The following ATXN7L2 variants were observed in gnomAD, a reference collection of about 807,000 sequenced individuals.
ATXN7L2 encodes ataxin-7-like protein 2.
Under a neutral mutation model 59.6 loss-of-function variants are expected in ATXN7L2, and 17 were observed. The ratio of observed to expected loss-of-function variants is 0.29; its 90% CI spans 0.20 to 0.43. The LOEUF (loss-of-function observed/expected upper bound fraction) is 0.43. Ranked by LOEUF, ATXN7L2 falls within the 20% of genes least tolerant of loss-of-function variation. The probability of loss-of-function intolerance (pLI) is 1.00; values close to 1 mark genes in which losing one functional copy is unlikely to be tolerated. For synonymous variants in ATXN7L2, 378 were observed against 392.5 expected (o/e 0.96, Z 0.44); for missense variants, 858 against 1,008.9 (o/e 0.85, Z 2.03).
rs1004404137 is a variant in ATXN7L2 at position 109,490,404 on chromosome 1, G to A, written c.1454+12G>A. On this transcript the variant is annotated intron_variant, in intron 9 of 10. Coordinates refer to ENST00000683729, the MANE Select transcript of ATXN7L2 (RefSeq NM_001350175.2). Reference sequence around the variant, plus strand: ...ACACACATGTGGAAGTAAGTCTCTCGGACCCAGAATGGAAGTTCTAGAATG... The same window carrying A: ...ACACACATGTGGAAGTAAGTCTCTCAGACCCAGAATGGAAGTTCTAGAATG... 1.2e-6 allele frequency: 2 copies of A among 1,610,486 alleles called. No homozygotes were observed. Among genetic ancestry groups the A allele is most frequent in the African/African-American group, 1.3e-5 (1 of 74,860 alleles).
Position 109,486,402 on chromosome 1 carries a change from G to T in ATXN7L2, c.194-104G>T. 1 of 1,029,736 alleles carries T rather than the reference G, an allele frequency of 9.7e-7. No homozygotes were observed. The highest frequency in any genetic ancestry group is 1.4e-6 in the Non-Finnish European group (1 of 696,640). 63.8% of individuals were successfully genotyped at this position (1,029,736 alleles called of 1,614,324 possible). A position where few individuals can be genotyped will look rare whatever the true frequency, so the allele number is the denominator to read the frequency against. On this transcript the variant is annotated intron_variant, in intron 2 of 10. Transcript: ENST00000683729. This position sits in a 1 kb window ranked among gnomAD's most constrained non-coding sequence, Gnocchi z 4.3. The stretch of plus-strand genomic sequence containing the variant: ...TCAGCATGGAGCTTGTTATATCAGC[G>T]GGGAGGTGAAGTGCCTTCTGAGTGT...
At position 109,486,948 on chromosome 1, in the gene ATXN7L2, TG is replaced by T; in HGVS notation, c.299-55del. 1 of 1,424,044 alleles carries T rather than the reference TG, an allele frequency of 7.0e-7. No homozygotes were observed. Among genetic ancestry groups the T allele is most frequent in the South Asian group, 1.4e-5 (1 of 70,534 alleles). 88.2% of individuals were successfully genotyped at this position (1,424,044 alleles called of 1,614,324 possible). The stretch of plus-strand genomic sequence containing the variant: ...TGTGAGTCTATGGACATGGTTAGGT[TG>T]GGGAAGGAAGTGGTGATACCACTCA... On this transcript the variant is annotated intron_variant, in intron 3 of 10. Transcript: ENST00000683729. The surrounding 1 kb of genome is among the most constrained non-coding windows in gnomAD (Gnocchi z 4.3).
At chr1:109,489,188 C>T in intron 7 of ATXN7L2, 88 bp downstream of exon 7, 1 of 1,490,952 alleles carries the variant, frequency 6.7e-7, no homozygotes, top group Non-Finnish European at 9.0e-7. Flanking sequence ...CAGGGAGTGT[C>T]CTGGAAGAGG....
At chr1:109,485,141 T>G in intron 1 of ATXN7L2, 2 of 489,396 alleles carry the variant, frequency 4.1e-6, no homozygotes, top group Non-Finnish European at 5.3e-6. Flanking sequence ...TGGGCAAAGA[T>G]GGGGCCATTG....
Position 109,491,760 on chromosome 1 carries a change from CA to C in ATXN7L2, c.2250+44del, listed in dbSNP as rs752458439. On this transcript the variant is annotated intron_variant, in intron 10 of 10. Coordinates refer to ENST00000683729, the MANE Select transcript of ATXN7L2 (RefSeq NM_001350175.2). The surrounding 1 kb of genome is among the most constrained non-coding windows in gnomAD (Gnocchi z 4.1). ...TGAAGATTGATGAGGGTGGGGCACACAGGGGGTACCTGATACAGAGAAGATG... is the reference window on the plus strand; with the variant it reads ...TGAAGATTGATGAGGGTGGGGCACACGGGGGTACCTGATACAGAGAAGATG... The C allele has an allele frequency of 2.1e-4, 310 of 1,511,406 alleles. No individual in the cohort carries two copies. The highest frequency in any genetic ancestry group is 2.6e-4 in the Non-Finnish European group (295 of 1,125,754). The allele number at this position is 1,511,406 out of a possible 1,614,324, so 93.6% of individuals were successfully genotyped here.
Position 109,487,055 on chromosome 1 carries a change from C to G in ATXN7L2, c.347C>G (p.Pro116Arg), listed in dbSNP as rs913422138. 1.2e-6 allele frequency: 2 copies of G among 1,612,034 alleles called. No homozygotes were observed. Among genetic ancestry groups the G allele is most frequent in the East Asian group, 4.5e-5 (2 of 44,750 alleles). ...AAGCTTTATGGCCGGGCCCCACCCC[C>G]ACCTCCAGCCCCTGCCAGCTCTCAG... ...LSKLYGRAPP[P>R]PPAPASSQKC... Residue 116 changes from proline (P) to arginine (R), a missense_variant, in exon 4 of 11, where the codon CCA becomes CGA. Transcript: ENST00000683729.
At chr1:109,485,855 G>A (rs879430120) in intron 1 of ATXN7L2, 10 of 1,227,736 alleles carry the variant, frequency 8.1e-6, no homozygotes, top group African/African-American at 1.6e-5. Context: ...TGGACCCACT[G>A]AAAGGTTCCC....
Position 109,487,609 on chromosome 1 carries a change from C to T in ATXN7L2, c.601C>T (p.Leu201Phe). 1 of 1,584,450 alleles carries T rather than the reference C, an allele frequency of 6.3e-7. No homozygotes were observed. The highest frequency in any genetic ancestry group is 1.1e-5 in the South Asian group (1 of 87,196). Residue 201 changes from leucine to phenylalanine, a missense_variant, in exon 5 of 11, where the codon CTC becomes TTC. Leu to Phe is a conservative substitution (Grantham distance 22, BLOSUM62 0). This residue lies in a region of ATXN7L2 where 734 missense variants were observed against 862.3 expected (regional missense o/e 0.85). Coordinates refer to ENST00000683729, the MANE Select transcript of ATXN7L2 (RefSeq NM_001350175.2). The part of the protein sequence containing the change: ...GIRVAPPSAF[L>F]SQPGGLTKDS... Reference sequence around the variant, plus strand: ...CAGGGTGGCCCCACCCTCTGCTTTTCTCAGCCAGCCAGGGGGCCTCACCAA... The same window carrying T: ...CAGGGTGGCCCCACCCTCTGCTTTTTTCAGCCAGCCAGGGGGCCTCACCAA...
At chr1:109,485,756 A>AG in intron 1 of ATXN7L2, 1 of 1,080,284 alleles carries the variant, frequency 9.3e-7, no homozygotes, top group African/African-American at 1.6e-5. Context: ...CTTGAAGTGA[A>AG]GGGTCCCATA....
chr1:109,484,299 C>G (rs1656412063), intron 1 of ATXN7L2, among the ~76,000 whole-genome samples: 1 of 152,136 alleles, frequency 6.6e-6, no homozygotes, highest in Non-Finnish European at 1.5e-5. Flanking sequence ...CCCTGCCAAC[C>G]TCTGCCTCTG....
Position 109,487,118 on chromosome 1 carries a change from G to A in ATXN7L2, c.410G>A (p.Arg137Lys). Reference sequence around the variant, plus strand: ...GTGAATGGGCAGGGCCCAGCTTGTAGGGCCCCAGGTTCCACGAAAACCTCC... The same window carrying A: ...GTGAATGGGCAGGGCCCAGCTTGTAAGGCCCCAGGTTCCACGAAAACCTCC... ...HVVNGQGPAC[R>K]APGSTKTSSR... is the part of the protein sequence containing the mutation. The change falls in exon 4 of 11, where the codon AGG (arginine) becomes AAG (lysine). Residue 137 changes from arginine (R) to lysine (K), a missense_variant. Coordinates refer to ENST00000683729, the MANE Select transcript of ATXN7L2 (RefSeq NM_001350175.2). The A allele has an allele frequency of 6.2e-7, 1 of 1,611,830 alleles. No individual in the cohort carries two copies.
chr1:109,486,645 G>T lies in ATXN7L2; in HGVS notation c.298+35G>T, dbSNP rs1165752454. On this transcript the variant is annotated intron_variant, in intron 3 of 10. Transcript: ENST00000683729. The surrounding 1 kb of genome is among the most constrained non-coding windows in gnomAD (Gnocchi z 4.3). Reference sequence around the variant, plus strand: ...GCCCTAGGGAGGAGATAAAGGGACAGGGGAAGGTGGAGCATGGAACTCTGA... The same window carrying T: ...GCCCTAGGGAGGAGATAAAGGGACATGGGAAGGTGGAGCATGGAACTCTGA... The T allele has an allele frequency of 5.1e-6, 8 of 1,557,432 alleles. No individual in the cohort carries two copies. The highest frequency in any genetic ancestry group is 5.0e-5 in the Admixed American group (3 of 59,490).
In ATXN7L2 at chr1:109,491,390, G is replaced by C. The variant is rs763458579; in HGVS notation, c.1923G>C (p.Leu641=). 1.2e-6 allele frequency: 2 copies of C among 1,614,262 alleles called. No individual in the cohort carries two copies. The highest frequency in any genetic ancestry group is 1.7e-6 in the Non-Finnish European group (2 of 1,180,042). Residue 641 remains leucine, a synonymous_variant, in exon 10 of 11, where the codon CTG becomes CTC. Transcript: ENST00000683729. The surrounding 1 kb of genome is among the most constrained non-coding windows in gnomAD (Gnocchi z 4.1). ...TCTCGGCCAAAACTAAAACAGCCCT[G>C]AGCATGGGGCTTAATGGGACAATGG... The part of the protein sequence containing the change: ...RGLSAKTKTA[L]SMGLNGTMGP...
chr1:109,486,368 T>C lies in ATXN7L2; in HGVS notation c.194-138T>C. ...ACTGCTTAGATCGAACTCTGGAAGCTGGAAGCATTCAGCATGGAGCTTGTT... is the reference window on the plus strand; with the variant it reads ...ACTGCTTAGATCGAACTCTGGAAGCCGGAAGCATTCAGCATGGAGCTTGTT... On this transcript the variant is annotated intron_variant, in intron 2 of 10. Coordinates refer to ENST00000683729, the MANE Select transcript of ATXN7L2 (RefSeq NM_001350175.2). This position sits in a 1 kb window ranked among gnomAD's most constrained non-coding sequence, Gnocchi z 4.3. The C allele has an allele frequency of 2.1e-6, 2 of 946,958 alleles. No individual in the cohort carries two copies. Among genetic ancestry groups the C allele is most frequent in the Non-Finnish European group, 3.1e-6 (2 of 640,736 alleles). The allele number at this position is 946,958 out of a possible 1,614,324, so 58.7% of individuals were successfully genotyped here.
rs1416330394 is a variant in ATXN7L2 at position 109,486,073 on chromosome 1, G to A, written c.144G>A (p.Glu48=). 6.3e-7 allele frequency: 1 copy of A among 1,598,796 alleles called. No homozygotes were observed. The highest frequency in any genetic ancestry group is 1.1e-5 in the South Asian group (1 of 88,598). The stretch of plus-strand genomic sequence containing the variant: ...CTCCTCTAGGGGCTGAGCTGGAGGA[G>A]AGTAGCAAAAACACGAAGAAGTTGG... ...LPAADGAELE[E]SSKNTKKLDA... Residue 48 remains glutamate, a synonymous_variant, in exon 2 of 11, where the codon GAG becomes GAA. Coordinates refer to ENST00000683729, the MANE Select transcript of ATXN7L2 (RefSeq NM_001350175.2). The surrounding 1 kb of genome is among the most constrained non-coding windows in gnomAD (Gnocchi z 4.3).
At position 109,488,968 on chromosome 1, in the gene ATXN7L2, G is replaced by T. The variant is rs767873540; in HGVS notation, c.1001G>T (p.Arg334Leu). 5.6e-6 allele frequency: 9 copies of T among 1,614,046 alleles called. No individual in the cohort carries two copies. The highest frequency in any genetic ancestry group is 6.8e-6 in the Non-Finnish European group (8 of 1,180,014). Residue 334 changes from arginine (R) to leucine (L), a missense_variant, in exon 7 of 11, where the codon CGC becomes CTC. Transcript: ENST00000683729. This position sits in a 1 kb window ranked among gnomAD's most constrained non-coding sequence, Gnocchi z 5.0. Reference protein sequence around the residue: ...GESPKEKSPGRKEQVLERPSQ... With the variant: ...GESPKEKSPGLKEQVLERPSQ... The stretch of plus-strand genomic sequence containing the variant: ...TCTCCCAAGGAGAAGAGCCCAGGGC[G>T]CAAGGAGCAAGTTCTCGAGCGCCCC...
chr1:109,490,890 G>A (rs566765414), intron 9 of ATXN7L2, 32 bp from the exon 10 acceptor site: 9 of 1,528,090 alleles, frequency 5.9e-6, no homozygotes, highest in Non-Finnish European at 7.9e-6. Flanking sequence ...TTGTTTCTTG[G>A]CAGTCACAGT....
chr1:109,483,962 G>A lies in ATXN7L2; in HGVS notation c.9G>A (p.Val3=), dbSNP rs765747540. 14 of 1,308,806 alleles carry A rather than the reference G, an allele frequency of 1.1e-5. No homozygotes were observed. Among genetic ancestry groups the A allele is most frequent in the Middle Eastern group, 4.0e-4 (2 of 4,998 alleles). 81.1% of individuals were successfully genotyped at this position (1,308,806 alleles called of 1,614,324 possible). ...GCGCGTCCGCGGCGGTGATGGCGGT[G>A]CGTGAACGCGCGGCGGCAGCAATGG... The part of the protein sequence containing the change: MA[V]RERAAAAMAA... Residue 3 remains valine (V), a synonymous_variant, in exon 1 of 11, where the codon GTG becomes GTA. Coordinates refer to ENST00000683729, the MANE Select transcript of ATXN7L2 (RefSeq NM_001350175.2).
intron 1 of ATXN7L2, among the ~76,000 whole-genome samples, chr1:109,484,995 C>T (rs112485940): frequency 9.1e-4 from 139 of 152,284 alleles, no homozygotes; most frequent in African/African-American, 3.2e-3. Flanking sequence ...GCCTAACCCA[C>T]GACCCCTCAT....
Sources: gnomAD v4.1 joint callset for allele counts (sites outside exome capture counted in the v4.1 genomes callset) on GRCh38, gnomAD v4.1.1 for gene constraint, gnomAD v4.1.1 regional missense constraint, Gnocchi (gnomAD v3.1) non-coding constraint, MANE v1.5 for transcripts, NCBI Gene and HGNC (gene_info 2026-07-23, HGNC 2026-07-21) for gene names.